Variants in FOXP1 observed in about 807,000 individuals in gnomAD.
FOXP1 encodes the protein forkhead box P1, also known as forkhead box protein P1.
Under a neutral mutation model 98.2 loss-of-function variants are expected in FOXP1, and 15 were observed. The ratio of observed to expected loss-of-function variants is 0.15; its 90% confidence interval spans 0.10 to 0.24. The LOEUF is 0.24. FOXP1 is among the 10% of genes least tolerant of loss of function. The pLI is 1.00. For missense variants in FOXP1, 633 were observed against 848.5 expected, an observed-to-expected ratio of 0.75 and a Z score of 3.15; for synonymous variants, 371 against 314.5, an observed-to-expected ratio of 1.18 and a Z score of -1.90.
At chr3:71,220,138 T>C (rs73839449) in intron 5 of FOXP1, among the ~76,000 whole-genome samples, 1,717 of 152,296 alleles carry the variant, frequency 0.011, 33 homozygotes, top group African/African-American at 0.038. Context: ...TACATTCTAG[T>C]TTTCTGAATG....
chr3:71,171,825 C>T (rs1314121955), intron 6 of FOXP1, among the ~76,000 whole-genome samples: 5 of 152,210 alleles, frequency 3.3e-5, no homozygotes, highest in African/African-American at 1.2e-4. Context: ...CTATCTTTAA[C>T]CCTATCTTAC....
At chr3:70,982,122 A>G (rs1017600820) in intron 14 of FOXP1, among the ~76,000 whole-genome samples, 1 of 152,182 alleles carries the variant, frequency 6.6e-6, no homozygotes. Flanking sequence ...CTGTGTTCAA[A>G]CCAAACCTGC....
intron 5 of FOXP1, among the ~76,000 whole-genome samples, chr3:71,229,656 G>C (rs2106738949): frequency 6.6e-6 from 1 of 152,194 alleles, no homozygotes; most frequent in South Asian, 2.1e-4. Context: ...CACTATCCTT[G>C]TAGAATATGC....
intron 7 of FOXP1, among the ~76,000 whole-genome samples, chr3:71,080,385 CATAAAG>C (rs972901662): frequency 6.6e-6 from 1 of 152,126 alleles, no homozygotes; most frequent in African/African-American, 2.4e-5. Flanking sequence ...TGTTCCCATA[CATAAAG>C]ATAGCCAGTT....
At chr3:71,384,178 C>T (rs1414834385) in intron 3 of FOXP1, among the ~76,000 whole-genome samples, 1 of 152,102 alleles carries the variant, frequency 6.6e-6, no homozygotes, top group Non-Finnish European at 1.5e-5. Flanking sequence ...TGAGATCGCC[C>T]GTTGCAATCT....
intron 3 of FOXP1, among the ~76,000 whole-genome samples, chr3:71,367,478 C>T (rs940735992): frequency 1.3e-5 from 2 of 152,140 alleles, no homozygotes; most frequent in African/African-American, 2.4e-5. Flanking sequence ...CGCTTAACTA[C>T]GTATCTCCAC....
At chr3:71,439,337 T>C (rs1354106651) in intron 3 of FOXP1, among the ~76,000 whole-genome samples, 2 of 152,070 alleles carry the variant, frequency 1.3e-5, no homozygotes, top group Admixed American at 1.3e-4. Context: ...GAATCAAAGG[T>C]AGCAGTGATG....
chr3:71,088,984 T>A (rs2055478863), intron 7 of FOXP1, among the ~76,000 whole-genome samples: 2 of 152,196 alleles, frequency 1.3e-5, no homozygotes, highest in African/African-American at 4.8e-5. Flanking sequence ...CATTTTGACC[T>A]TTCTTCCATC....
At chr3:71,448,077 T>G (rs988456067) in intron 3 of FOXP1, among the ~76,000 whole-genome samples, 1 of 152,128 alleles carries the variant, frequency 6.6e-6, no homozygotes, top group African/African-American at 2.4e-5. Flanking sequence ...TAAACAACGC[T>G]TCCCTGCCGA....
At chr3:71,533,406 A>AT (rs2044020451) in intron 2 of FOXP1, among the ~76,000 whole-genome samples, 1 of 152,242 alleles carries the variant, frequency 6.6e-6, no homozygotes, top group Non-Finnish European at 1.5e-5. Context: ...GATATTCTTA[A>AT]TAACATTTCA....
chr3:71,455,565 T>C (rs1297086297), intron 3 of FOXP1, among the ~76,000 whole-genome samples: 1 of 152,052 alleles, frequency 6.6e-6, no homozygotes, highest in Non-Finnish European at 1.5e-5. Context: ...AAATGTTGGA[T>C]GGGGTGGGAT....
At chr3:71,097,742 C>G (rs968996660) in intron 7 of FOXP1, among the ~76,000 whole-genome samples, 3 of 152,072 alleles carry the variant, frequency 2.0e-5, no homozygotes, top group Non-Finnish European at 4.4e-5. Flanking sequence ...GCTCTGGTGA[C>G]GTAACATGAT....
At chr3:71,038,578 T>C (rs1361314721) in intron 11 of FOXP1, among the ~76,000 whole-genome samples, 1 of 152,206 alleles carries the variant, frequency 6.6e-6, no homozygotes, top group Non-Finnish European at 1.5e-5. Flanking sequence ...CACGTGATTT[T>C]TAAATTAAGC....
At chr3:71,216,354 A>G (rs9819713) in intron 5 of FOXP1, among the ~76,000 whole-genome samples, 127,496 of 152,230 alleles carry the variant, frequency 0.84, 53,447 homozygotes, top group South Asian at 0.9. Context: ...CACAAATGTG[A>G]CTTCCTTCCA....
chr3:71,080,138 C>T (rs754908176), intron 7 of FOXP1, among the ~76,000 whole-genome samples: 1 of 152,168 alleles, frequency 6.6e-6, no homozygotes, highest in African/African-American at 2.4e-5. Context: ...CAGAAACAGA[C>T]GTAGCTAAAG....
intron 3 of FOXP1, among the ~76,000 whole-genome samples, chr3:71,414,427 C>T (rs1376775870): frequency 6.6e-6 from 1 of 152,224 alleles, no homozygotes; most frequent in Admixed American, 6.5e-5. Context: ...CACAGATGCA[C>T]TGCCCAGACC....
chr3:71,178,958 T>C (rs2062114677), intron 6 of FOXP1, among the ~76,000 whole-genome samples: 1 of 147,576 alleles, frequency 6.8e-6, no homozygotes, highest in South Asian at 2.1e-4. Context: ...TAATCCCAGC[T>C]ACTTGAGAGG....
intron 3 of FOXP1, among the ~76,000 whole-genome samples, chr3:71,491,392 T>G (rs941116119): frequency 6.6e-6 from 1 of 152,152 alleles, no homozygotes; most frequent in Non-Finnish European, 1.5e-5. Context: ...CATACATGCA[T>G]AGCAATGGAA....
At chr3:71,303,681 T>A (rs1286530006) in intron 4 of FOXP1, among the ~76,000 whole-genome samples, 1 of 151,684 alleles carries the variant, frequency 6.6e-6, no homozygotes, top group East Asian at 1.9e-4. Context: ...CCAAAATCAA[T>A]CTCAAAGTTT....
Sources: gnomAD v4.1 joint callset for allele counts (sites outside exome capture counted in the v4.1 genomes callset) on GRCh38, gnomAD v4.1.1 for gene constraint, MANE v1.5 for transcripts, NCBI Gene and HGNC (gene_info 2026-07-23, HGNC 2026-07-21) for gene names.